The following TMTC2 variants were observed in gnomAD, a reference collection of about 807,000 sequenced individuals.
The protein encoded by TMTC2 is transmembrane O-mannosyltransferase targeting cadherins 2, also known as protein O-mannosyl-transferase TMTC2.
Under a neutral mutation model 82.4 loss-of-function variants are expected in TMTC2, and 43 were observed. That is an observed-to-expected ratio of 0.52 (90% CI 0.41 to 0.67). The LOEUF (loss-of-function observed/expected upper bound fraction) is 0.67, where lower values mean the gene tolerates loss of function less well. TMTC2 is among the 30% of genes least tolerant of loss of function. The probability of loss-of-function intolerance (pLI) is 0.00; values close to 1 mark genes in which losing one functional copy is unlikely to be tolerated. For synonymous variants in TMTC2, 408 were observed against 381.9 expected (o/e 1.07, Z -0.80); for missense variants, 919 against 1,012.4 (o/e 0.91, Z 1.25).
intron 1 of TMTC2, among the ~76,000 whole-genome samples, chr12:82,689,753 A>G (rs1592850061): frequency 1.3e-5 from 2 of 152,210 alleles, no homozygotes; most frequent in Admixed American, 6.5e-5. Context: ...CAATAGTCTA[A>G]TGGAGTGTTA....
intron 8 of TMTC2, among the ~76,000 whole-genome samples, chr12:83,007,851 T>G (rs1393127625): frequency 6.6e-6 from 1 of 152,134 alleles, no homozygotes; most frequent in Non-Finnish European, 1.5e-5. Flanking sequence ...ATCTAGAAAG[T>G]TTATAGTTCT....
chr12:82,825,539 T>C (rs2137069316), intron 1 of TMTC2, among the ~76,000 whole-genome samples: 1 of 152,324 alleles, frequency 6.6e-6, no homozygotes, highest in South Asian at 2.1e-4. Flanking sequence ...ACGTATTTTA[T>C]AGGTAATTGC....
chr12:82,809,745 G>A (rs1176838435), intron 1 of TMTC2, among the ~76,000 whole-genome samples: 2 of 151,958 alleles, frequency 1.3e-5, no homozygotes, highest in Admixed American at 6.6e-5. Flanking sequence ...AGTAGTTTTG[G>A]GACTAGAGTG....
chr12:82,890,745 AG>A (rs561778626), intron 2 of TMTC2, among the ~76,000 whole-genome samples: 49 of 152,152 alleles, frequency 3.2e-4, no homozygotes, highest in Non-Finnish European at 6.3e-4. Context: ...TTCTGGACAG[AG>A]TAGTAGAATG....
At chr12:82,718,298 G>A (rs1391654247) in intron 1 of TMTC2, among the ~76,000 whole-genome samples, 1 of 152,168 alleles carries the variant, frequency 6.6e-6, no homozygotes, top group Non-Finnish European at 1.5e-5. Flanking sequence ...ACATTGCAGG[G>A]TATTGTGGAA....
Position 83,132,614 on chromosome 12 carries a change from C to A in TMTC2, c.*225C>A. The A allele has an allele frequency of 1.9e-6, 1 of 518,926 alleles. No homozygotes were observed. Among genetic ancestry groups the A allele is most frequent in the Non-Finnish European group, 3.3e-6 (1 of 300,778 alleles). The allele number at this position is 518,926 out of a possible 1,614,324, so 32.1% of individuals were successfully genotyped here. A position where few individuals can be genotyped will look rare whatever the true frequency, so the allele number is the denominator to read the frequency against. On this transcript the variant is annotated 3_prime_UTR_variant, in exon 12 of 12. Coordinates refer to ENST00000321196, the MANE Select transcript of TMTC2 (RefSeq NM_152588.3). ...CCTCCTGGAGGATGTCATTGTTACC[C>A]ATAGACTGTAAACCAGAGCACTTAA...
chr12:82,710,117 G>A (rs1384947614), intron 1 of TMTC2, among the ~76,000 whole-genome samples: 1 of 152,146 alleles, frequency 6.6e-6, no homozygotes, highest in African/African-American at 2.4e-5. Context: ...AATGTGTACT[G>A]TTGAAATCAT....
intron 11 of TMTC2, among the ~76,000 whole-genome samples, chr12:83,129,702 A>T (rs1296061019): frequency 6.6e-6 from 1 of 152,232 alleles, no homozygotes; most frequent in African/African-American, 2.4e-5. Flanking sequence ...GTTCAGGCAC[A>T]CTAACAAGGA....
At chr12:82,897,713 A>T (rs1873752603) in intron 3 of TMTC2, among the ~76,000 whole-genome samples, 1 of 151,736 alleles carries the variant, frequency 6.6e-6, no homozygotes, top group South Asian at 2.1e-4. Context: ...TTTAGTAGAG[A>T]TGGGGTTTCA....
At chr12:83,102,688 G>A (rs1884259547) in intron 11 of TMTC2, among the ~76,000 whole-genome samples, 1 of 152,170 alleles carries the variant, frequency 6.6e-6, no homozygotes, top group African/African-American at 2.4e-5. Context: ...GTGCTTCATA[G>A]CTGTCTGTGT....
intron 1 of TMTC2, among the ~76,000 whole-genome samples, chr12:82,761,760 GT>G (rs1565738723): frequency 1.3e-5 from 2 of 152,054 alleles, no homozygotes; most frequent in African/African-American, 4.8e-5. Flanking sequence ...TCAGTGAAGG[GT>G]TTGCAGTGCA....
At chr12:83,075,396 T>G (rs950700554) in intron 11 of TMTC2, among the ~76,000 whole-genome samples, 3 of 152,218 alleles carry the variant, frequency 2.0e-5, no homozygotes, top group Non-Finnish European at 2.9e-5. Context: ...TCCTCCATGA[T>G]GATCTCTTGT....
At chr12:82,811,294 G>C (rs1015190893) in intron 1 of TMTC2, among the ~76,000 whole-genome samples, 1 of 151,988 alleles carries the variant, frequency 6.6e-6, no homozygotes, top group Non-Finnish European at 1.5e-5. Flanking sequence ...CTTTATAGCA[G>C]TATGAAAACG....
intron 1 of TMTC2, among the ~76,000 whole-genome samples, chr12:82,761,490 T>G (rs933353105): frequency 3.3e-5 from 5 of 152,190 alleles, no homozygotes; most frequent in African/African-American, 1.2e-4. Context: ...AAGCGAGTAT[T>G]CGCTTAAATT....
At chr12:83,052,242 T>TATTATTTTTA (rs1882378991) in intron 10 of TMTC2, among the ~76,000 whole-genome samples, 1 of 152,128 alleles carries the variant, frequency 6.6e-6, no homozygotes, top group African/African-American at 2.4e-5. Context: ...CTATTTTTTT[T>TATTATTTTTA]AGCTTTTAAG....
chr12:83,008,571 A>T (rs578048217), intron 8 of TMTC2, among the ~76,000 whole-genome samples: 1 of 152,272 alleles, frequency 6.6e-6, no homozygotes, highest in East Asian at 1.9e-4. Context: ...CATATTAATT[A>T]TAGTTATTGT....
intron 4 of TMTC2, among the ~76,000 whole-genome samples, chr12:82,958,742 A>G (rs1877755448): frequency 6.6e-6 from 1 of 152,022 alleles, no homozygotes; most frequent in Admixed American, 6.6e-5. Context: ...GTGGACAAAA[A>G]CTGGAAGCAT....
At chr12:82,757,705 A>G (rs73157418) in intron 1 of TMTC2, among the ~76,000 whole-genome samples, 5,166 of 152,318 alleles carry the variant, frequency 0.034, 145 homozygotes, top group Non-Finnish European at 0.051. Context: ...AAGTGTTGAT[A>G]ATTCTTTTAC....
At chr12:82,918,142 T>A (rs1326588447) in intron 3 of TMTC2, among the ~76,000 whole-genome samples, 1 of 151,752 alleles carries the variant, frequency 6.6e-6, no homozygotes, top group African/African-American at 2.4e-5. Flanking sequence ...ACTCCTGGAC[T>A]CAAGCAATCC....
Sources: allele counts gnomAD v4.1 joint callset (sites outside exome capture counted in the v4.1 genomes callset), GRCh38; gene constraint gnomAD v4.1.1; transcripts MANE v1.5; gene names NCBI Gene and HGNC (gene_info 2026-07-23, HGNC 2026-07-21).